The following JAKMIP3 variants were observed in gnomAD, a reference collection of about 807,000 sequenced individuals.
JAKMIP3 encodes janus kinase and microtubule-interacting protein 3.
A neutral mutation model predicts 118.5 loss-of-function variants in JAKMIP3; 58 were observed. That is an observed-to-expected ratio of 0.49 (90% confidence interval 0.40 to 0.61). JAKMIP3 has a LOEUF of 0.61. Among genes scored for constraint, JAKMIP3 ranks in the 20% least tolerant of loss-of-function variants. The pLI, the probability that JAKMIP3 is intolerant of heterozygous loss-of-function variation, is 0.00. For missense variants in JAKMIP3, 950 were observed against 1,109.0 expected, an observed-to-expected ratio of 0.86 and a Z score of 2.04; for synonymous variants, 486 against 451.2, an observed-to-expected ratio of 1.08 and a Z score of -0.98.
At chr10:132,174,545 G>A (rs114418254) in intron 23 of JAKMIP3, among the ~76,000 whole-genome samples, 3,251 of 152,198 alleles carry the variant, frequency 0.021, 112 homozygotes, top group African/African-American at 0.073. Flanking sequence ...GGTGGTTTCC[G>A]GTTTGGGGCA....
chr10:132,153,729 C>T, intron 17 of JAKMIP3, 30 bp from the exon 18 acceptor site: 1 of 1,610,758 alleles, frequency 6.2e-7, no homozygotes, highest in Admixed American at 1.7e-5. Context: ...CCCTAGGGGT[C>T]ACTGTCCTGC....
At chr10:132,164,376 G>A (rs929189771) in intron 20 of JAKMIP3, among the ~76,000 whole-genome samples, 3 of 152,230 alleles carry the variant, frequency 2.0e-5, no homozygotes, top group African/African-American at 4.8e-5. Context: ...CTGGGGGACC[G>A]GGAATCCATT....
chr10:132,146,591 C>T (rs2054653308), intron 13 of JAKMIP3, among the ~76,000 whole-genome samples: 1 of 152,206 alleles, frequency 6.6e-6, no homozygotes, highest in African/African-American at 2.4e-5. Context: ...GCAGCGATGT[C>T]TCACGCTGGC....
intron 10 of JAKMIP3, 29 bp from the exon 11 acceptor site, chr10:132,141,891 G>C: frequency 6.3e-7 from 1 of 1,581,820 alleles, no homozygotes; most frequent in Non-Finnish European, 8.6e-7. Context: ...CTGTGTCTCT[G>C]TGCGTGTGTG....
At chr10:132,139,050 GTGTGTGTGTGTGTGTGTGT>G (rs2052524523) in intron 9 of JAKMIP3, among the ~76,000 whole-genome samples, 1 of 10,534 alleles carries the variant, frequency 9.5e-5, no homozygotes, top group African/African-American at 1.2e-3. Context: ...TTTATGTTGA[GTGTGTGTGTGTGTGTGTGT>G]ATGTGTATGT....
intron 19 of JAKMIP3, among the ~76,000 whole-genome samples, chr10:132,161,812 T>TG (rs372663563): frequency 0.03 from 2,559 of 84,120 alleles, 225 homozygotes; most frequent in Middle Eastern, 0.077. Flanking sequence ...TGTGTGATGC[T>TG]GGGGGGGGCC....
upstream of JAKMIP3, among the ~76,000 whole-genome samples, chr10:132,062,103 G>C (rs1037895730): frequency 6.6e-6 from 1 of 152,162 alleles, no homozygotes; most frequent in Non-Finnish European, 1.5e-5. Flanking sequence ...GCACGCCACA[G>C]AGACACAGGG....
chr10:132,134,040 G>A (rs1025123521), intron 4 of JAKMIP3, among the ~76,000 whole-genome samples: 5 of 152,214 alleles, frequency 3.3e-5, no homozygotes, highest in Non-Finnish European at 5.9e-5. Context: ...ATGCCACTCT[G>A]CGCTCCTCCC....
intron 19 of JAKMIP3, among the ~76,000 whole-genome samples, chr10:132,159,595 C>CGTGTCTCCCTGTGTG (rs2057670349): frequency 1.3e-5 from 1 of 75,212 alleles, no homozygotes; most frequent in Non-Finnish European, 2.6e-5. Flanking sequence ...ATGCTGGGGG[C>CGTGTCTCCCTGTGTG]ATGTCTTCCT....
At chr10:132,103,957 A>G (rs2045507027) in intron 1 of JAKMIP3, among the ~76,000 whole-genome samples, 1 of 152,192 alleles carries the variant, frequency 6.6e-6, no homozygotes. Flanking sequence ...GATCCTGAAT[A>G]TATACGTGAA....
intron 23 of JAKMIP3, among the ~76,000 whole-genome samples, chr10:132,175,865 G>C (rs2060094590): frequency 6.6e-6 from 1 of 152,214 alleles, no homozygotes; most frequent in African/African-American, 2.4e-5. Flanking sequence ...TCATAGACCA[G>C]TGAAATTGTT....
At position 132,140,474 on chromosome 10, in the gene JAKMIP3, T is replaced by C. The variant is rs891906740; in HGVS notation, c.1368T>C (p.Phe456=). The change falls in exon 10 of 24, where the codon TTT becomes TTC. Residue 456 remains phenylalanine, a synonymous_variant. Coordinates refer to ENST00000684848, the MANE Select transcript of JAKMIP3 (RefSeq NM_001323087.2). The part of the protein sequence containing the change: ...LPKPVVVETF[F]GYDEEASLES... ...AGCCGGTGGTTGTGGAGACCTTCTTTGGATACGACGAAGAGGCTTCCCTGG... is the reference window on the plus strand; with the variant it reads ...AGCCGGTGGTTGTGGAGACCTTCTTCGGATACGACGAAGAGGCTTCCCTGG... The C allele has an allele frequency of 9.3e-6, 15 of 1,613,854 alleles. No homozygotes were observed. Among genetic ancestry groups the C allele is most frequent in the Non-Finnish European group, 1.3e-5 (15 of 1,179,850 alleles).
chr10:132,180,530 T>TGTGTGTGTGTGTGTGTGTGTGC (rs776553583), intron 23 of JAKMIP3, among the ~76,000 whole-genome samples: 3,008 of 31,940 alleles, frequency 0.094, 1,177 homozygotes, highest in Non-Finnish European at 0.13. Flanking sequence ...GAACTGTGTG[T>TGTGTGTGTGTGTGTGTGTGTGC]GTGTGTGTGT....
intron 1 of JAKMIP3, among the ~76,000 whole-genome samples, chr10:132,057,697 A>G (rs1367053490): frequency 6.6e-6 from 1 of 152,174 alleles, no homozygotes; most frequent in Non-Finnish European, 1.5e-5. Flanking sequence ...TTTCGAGTAC[A>G]GCAGGGGTGT....
rs1382769738 is a variant in JAKMIP3 at position 132,145,572 on chromosome 10, G to C, written c.1741G>C (p.Val581Leu). The C allele has an allele frequency of 3.8e-6, 6 of 1,562,690 alleles. No homozygotes were observed. The highest frequency in any genetic ancestry group is 2.4e-5 in the East Asian group (1 of 41,840). Reference sequence around the variant, plus strand: ...ACTGTACCGGAGAAATCAAGAGCTTGTGGAAAAGGTGAGCCCCGAACCCCT... The same window carrying C: ...ACTGTACCGGAGAAATCAAGAGCTTCTGGAAAAGGTGAGCCCCGAACCCCT... Reference protein sequence around the residue: ...QALYRRNQELVEKIKQMETEE... With the variant: ...QALYRRNQELLEKIKQMETEE... Residue 581 changes from valine (V) to leucine (L), a missense_variant, in exon 13 of 24, where the codon GTG (valine) becomes CTG (leucine). Val to Leu is a conservative substitution (Grantham distance 32). Transcript: ENST00000684848.
At chr10:132,142,124 C>A in intron 11 of JAKMIP3, 76 bp downstream of exon 11, 2 of 1,453,558 alleles carry the variant, frequency 1.4e-6, no homozygotes, top group Non-Finnish European at 1.8e-6. Context: ...GGCTGGGACA[C>A]CCCCCTCACT....
chr10:132,142,578 G>A (rs970942683), intron 11 of JAKMIP3, among the ~76,000 whole-genome samples: 32 of 152,166 alleles, frequency 2.1e-4, no homozygotes, highest in Middle Eastern at 3.2e-3. Context: ...CCTTAGCGTC[G>A]TCCCCCAGGA....
At position 132,054,291 on chromosome 10, in the gene JAKMIP3, G is replaced by C. The variant is rs372095133; in HGVS notation, c.-138+17553G>C. Among the ~76,000 whole-genome samples, 4 of 152,162 alleles carry C rather than the reference G, an allele frequency of 2.6e-5. No individual in the cohort carries two copies. The South Asian group carries it at 8.3e-4, about 32-fold the overall frequency. On this transcript the variant is annotated intron_variant, in intron 1 of 23. Transcript: ENST00000657785. Reference sequence around the variant, plus strand: ...AATGTAAGGGGCATGCCTGGAAAAGGCCTGGGTACCCTCTTTTTTTCCCCA... The same window carrying C: ...AATGTAAGGGGCATGCCTGGAAAAGCCCTGGGTACCCTCTTTTTTTCCCCA...
intron 1 of JAKMIP3, among the ~76,000 whole-genome samples, chr10:132,071,844 T>TTTTTCTTTC (rs2039935800): frequency 7.0e-6 from 1 of 143,198 alleles, no homozygotes; most frequent in African/African-American, 2.7e-5. Flanking sequence ...CCCTTTCCTT[T>TTTTTCTTTC]CTTTCTTTCC....
Sources: allele counts gnomAD v4.1 joint callset (sites outside exome capture counted in the v4.1 genomes callset), GRCh38; gene constraint gnomAD v4.1.1; transcripts MANE v1.5; gene names NCBI Gene and HGNC (gene_info 2026-07-23, HGNC 2026-07-21).